PRKDC: variants seen among roughly 807,000 people sequenced by gnomAD.
The protein encoded by PRKDC is protein kinase, DNA-activated, catalytic subunit.
PRKDC carries 82 observed loss-of-function variants against 486.9 expected under a neutral mutation model. That is an observed-to-expected ratio of 0.17 (90% CI 0.14 to 0.20). The LOEUF (loss-of-function observed/expected upper bound fraction) is 0.20, where lower values mean the gene tolerates loss of function less well. Ranked by LOEUF, PRKDC falls within the 10% of genes least tolerant of loss-of-function variation. PRKDC has a pLI of 1.00. For missense variants in PRKDC, 4,504 were observed against 5,038.2 expected, an observed-to-expected ratio of 0.89 and a Z score of 3.21; for synonymous variants, 1,895 against 1,837.0, an observed-to-expected ratio of 1.03 and a Z score of -0.81.
intron 18 of PRKDC, 32 bp downstream of exon 18, chr8:47,929,821 G>GC (rs747211934): frequency 7.7e-6 from 12 of 1,567,032 alleles, no homozygotes; most frequent in African/African-American, 1.4e-5. Context: ...CTAAAAAAAC[G>GC]CAAGATTCAA....
intron 25 of PRKDC, among the ~76,000 whole-genome samples, chr8:47,906,792 T>G (rs1212691851): frequency 6.6e-6 from 1 of 151,320 alleles, no homozygotes; most frequent in African/African-American, 2.4e-5. Flanking sequence ...TACTTTGATA[T>G]TAGAGGTCCA....
chr8:47,925,894 T>C (rs2090149361), intron 21 of PRKDC, among the ~76,000 whole-genome samples: 3 of 152,306 alleles, frequency 2.0e-5, no homozygotes, highest in African/African-American at 7.2e-5. Context: ...TTCTGGAAGT[T>C]TGATACATCA....
chr8:47,834,741 A>C (rs1589729959), intron 58 of PRKDC, among the ~76,000 whole-genome samples: 1 of 126,700 alleles, frequency 7.9e-6, no homozygotes, highest in East Asian at 2.4e-4. Flanking sequence ...CCCAGGCTGG[A>C]GTGCAGTGGC....
chr8:47,802,893 T>A (rs1291191737), intron 70 of PRKDC, among the ~76,000 whole-genome samples: 1 of 152,176 alleles, frequency 6.6e-6, no homozygotes, highest in Non-Finnish European at 1.5e-5. Context: ...GACCTCATGA[T>A]CTGCCTGCCT....
At chr8:47,931,600 T>C (rs2090255174) in intron 16 of PRKDC, among the ~76,000 whole-genome samples, 1 of 151,922 alleles carries the variant, frequency 6.6e-6, no homozygotes, top group Admixed American at 6.6e-5. Context: ...AAAAACAGAA[T>C]ACTCCAAGTG....
intron 45 of PRKDC, 98 bp from the exon 46 acceptor site, chr8:47,859,857 TTAATC>T: frequency 8.0e-7 from 1 of 1,242,524 alleles, no homozygotes; most frequent in Non-Finnish European, 1.1e-6. Flanking sequence ...AAAGCACATT[TTAATC>T]TAAGGTTTTC....
intron 50 of PRKDC, 109 bp from the exon 51 acceptor site, chr8:47,854,323 C>G: frequency 1.6e-6 from 2 of 1,288,840 alleles, no homozygotes; most frequent in South Asian, 1.4e-5. Context: ...GACTCTCGCC[C>G]AGGCTGGAGT....
intron 68 of PRKDC, among the ~76,000 whole-genome samples, chr8:47,812,327 T>C (rs1218872937): frequency 6.6e-6 from 1 of 152,164 alleles, no homozygotes. Flanking sequence ...CTGCAGAATA[T>C]ACAAAAATTT....
At position 47,860,874 on chromosome 8, in the gene PRKDC, T is replaced by A. The variant is rs753048076; in HGVS notation, c.6058+25A>T. 13 of 1,565,344 alleles carry A rather than the reference T, an allele frequency of 8.3e-6. No homozygotes were observed. The Admixed American group carries it at 2.1e-4, about 26-fold the overall frequency. ...AAATAACCCATCGATTTGAATCCTT[T>A]CTCATGATTTTGAAAACATCCTACC... On this transcript the variant is annotated intron_variant, in intron 45 of 85. Coordinates refer to ENST00000314191, the MANE Select transcript of PRKDC (RefSeq NM_006904.7).
At chr8:47,935,128 A>G in intron 13 of PRKDC, 70 bp from the exon 14 acceptor site, 1 of 1,100,102 alleles carries the variant, frequency 9.1e-7, no homozygotes, top group South Asian at 1.6e-5. Context: ...ACAAAAAAAA[A>G]CAAACAGTCA....
intron 10 of PRKDC, 159 bp from the exon 11 acceptor site, chr8:47,939,856 G>A: frequency 3.9e-6 from 2 of 519,134 alleles, no homozygotes; most frequent in Non-Finnish European, 3.1e-6. Context: ...ATTTTGCTTA[G>A]TCTCTATCAG....
intron 58 of PRKDC, among the ~76,000 whole-genome samples, chr8:47,835,415 C>T (rs1392645704): frequency 6.6e-6 from 1 of 151,714 alleles, no homozygotes; most frequent in African/African-American, 2.4e-5. Flanking sequence ...GTCAGGATAT[C>T]TAGACCATCT....
At position 47,862,083 on chromosome 8, in the gene PRKDC, A is replaced by G; in HGVS notation, c.5964T>C (p.Tyr1988=). The change falls in exon 44 of 86, where the codon TAT becomes TAC. Residue 1988 remains tyrosine (Y), a synonymous_variant. Coordinates refer to ENST00000314191, the MANE Select transcript of PRKDC (RefSeq NM_006904.7). ...TCACCTCAACTTCTACAGGAAAATT[A>G]TAGCGGCGCTTCAGGTCGATCAGAT... is the stretch of plus-strand genomic sequence containing the variant. ...FENLIDLKRR[Y]NFPVEVEVPM... 1.3e-6 allele frequency: 2 copies of G among 1,553,984 alleles called. No individual in the cohort carries two copies. The highest frequency in any genetic ancestry group is 1.7e-6 in the Non-Finnish European group (2 of 1,147,416).
rs778561823 is a variant in PRKDC at position 47,953,710 on chromosome 8, C to T, written c.631G>A (p.Ala211Thr). Residue 211 changes from alanine (A) to threonine (T), a missense_variant, in exon 7 of 86, where the codon GCA (alanine) becomes ACA (threonine). Around this residue, in one of 6 missense-constraint regions of PRKDC, gnomAD observed 1,969 missense variants for 2,068.9 expected, o/e 0.95. Transcript: ENST00000314191. ...LGELKTQMTSAVREPKLPVLA... is the reference protein window; with the variant it reads ...LGELKTQMTSTVREPKLPVLA... ...ACAGGTAGTTTGGGCTCTCTTACTG[C>T]TGATGTCATCTAAAAGAAAAGATTT... is the stretch of plus-strand genomic sequence containing the variant. 9 of 1,611,290 alleles carry T rather than the reference C, an allele frequency of 5.6e-6. No homozygotes were observed. Among genetic ancestry groups the T allele is most frequent in the Admixed American group, 1.7e-5 (1 of 59,584 alleles).
At chr8:47,799,502 A>C in intron 71 of PRKDC, 112 bp from the exon 72 acceptor site, 3 of 1,032,570 alleles carry the variant, frequency 2.9e-6, no homozygotes, top group Non-Finnish European at 4.0e-6. Flanking sequence ...CCAAAATAAC[A>C]CTGAAGCTAT....
Position 47,820,871 on chromosome 8 carries a change from G to A in PRKDC, c.9184C>T (p.Leu3062=). 1.9e-6 allele frequency: 3 copies of A among 1,611,054 alleles called. No individual in the cohort carries two copies. The highest frequency in any genetic ancestry group is 8.5e-7 in the Non-Finnish European group (1 of 1,178,010). Residue 3062 remains leucine (L), a synonymous_variant, in exon 66 of 86, where the codon CTG becomes TTG. Coordinates refer to ENST00000314191, the MANE Select transcript of PRKDC (RefSeq NM_006904.7). ...LLQGEADQSL[L]TFIDKAMHGE... The stretch of plus-strand genomic sequence containing the variant: ...TGCATAGCTTTGTCAATAAATGTCA[G>A]CAGGGACTGGTCAGCCTCTCCCTGG...
At chr8:47,869,513 G>T (rs1589754662) in intron 40 of PRKDC, among the ~76,000 whole-genome samples, 1 of 151,846 alleles carries the variant, frequency 6.6e-6, no homozygotes, top group East Asian at 2.0e-4. Context: ...CGAATTATCA[G>T]TGCTAACCAG....
chr8:47,811,228 C>T (rs559556771), intron 68 of PRKDC, among the ~76,000 whole-genome samples: 1 of 152,154 alleles, frequency 6.6e-6, no homozygotes, highest in East Asian at 1.9e-4. Flanking sequence ...ATGGGAATAA[C>T]GAGGACATTA....
chr8:47,939,950 G>GAAAAAAAAAAAAAAAA (rs75394842), intron 10 of PRKDC: 3 of 65,834 alleles, frequency 4.6e-5, no homozygotes, highest in African/African-American at 1.1e-4. Context: ...ACATAAGTCT[G>GAAAAAAAAAAAAAAAA]AAAAAAAAAA....
Sources: allele counts gnomAD v4.1 joint callset (sites outside exome capture counted in the v4.1 genomes callset), GRCh38; gene constraint gnomAD v4.1.1; regional missense constraint gnomAD v4.1.1; transcripts MANE v1.5; gene names NCBI Gene and HGNC (gene_info 2026-07-23, HGNC 2026-07-21).